Variants in DGKH observed in about 807,000 individuals in gnomAD.
DGKH encodes the protein DAG kinase eta.
In DGKH, 90 loss-of-function variants were observed where a neutral mutation model predicts 159.3. The observed-to-expected ratio is 0.57, with a 90% confidence interval of 0.48 to 0.67. The LOEUF is 0.67. Ranked by LOEUF, DGKH falls within the 30% of genes least tolerant of loss-of-function variation. The pLI, the probability that DGKH is intolerant of heterozygous loss-of-function variation, is 0.00. For missense variants in DGKH, 1,181 were observed against 1,506.1 expected (o/e 0.78, Z 3.57); for synonymous variants, 536 against 553.8 (o/e 0.97, Z 0.45).
intron 1 of DGKH, among the ~76,000 whole-genome samples, chr13:42,061,929 A>G (rs1307555155): frequency 6.6e-6 from 1 of 152,042 alleles, no homozygotes; most frequent in East Asian, 1.9e-4. Flanking sequence ...TGGTGTTCAT[A>G]AGCATAATGA....
intron 1 of DGKH, among the ~76,000 whole-genome samples, chr13:42,114,368 T>A (rs939117081): frequency 1.3e-5 from 2 of 152,208 alleles, no homozygotes; most frequent in African/African-American, 4.8e-5. Context: ...CCAAAAGCCA[T>A]CTCAGCTACT....
chr13:42,207,693 G>GTATA (rs368253963), intron 21 of DGKH, among the ~76,000 whole-genome samples: 20,732 of 126,340 alleles, frequency 0.16, 1,959 homozygotes, highest in Admixed American at 0.25. Context: ...TTATTAAAGT[G>GTATA]TGTATATATA....
intron 1 of DGKH, among the ~76,000 whole-genome samples, chr13:42,120,542 G>GCTCTC (rs1955048090): frequency 1.3e-5 from 2 of 152,162 alleles, no homozygotes; most frequent in East Asian, 3.9e-4. Flanking sequence ...CTAACCTCAA[G>GCTCTC]TAATATCAAA....
intron 3 of DGKH, among the ~76,000 whole-genome samples, chr13:42,148,944 C>G (rs969421454): frequency 1.2e-5 from 1 of 80,102 alleles, no homozygotes; most frequent in Non-Finnish European, 2.4e-5. Flanking sequence ...CCCGCCCCTT[C>G]TTTTTTTTTT....
intron 24 of DGKH, among the ~76,000 whole-genome samples, chr13:42,213,443 C>A (rs1441852372): frequency 6.6e-6 from 1 of 152,096 alleles, no homozygotes; most frequent in East Asian, 1.9e-4. Flanking sequence ...TTTCAGTAGG[C>A]AATTAGAAAT....
chr13:42,090,243 C>T (rs2137744499), intron 1 of DGKH, among the ~76,000 whole-genome samples: 1 of 152,112 alleles, frequency 6.6e-6, no homozygotes, highest in African/African-American at 2.4e-5. Context: ...AAATTGTGAA[C>T]TAAATATTAT....
intron 1 of DGKH, among the ~76,000 whole-genome samples, chr13:42,093,461 A>G (rs1467582337): frequency 6.6e-6 from 1 of 152,178 alleles, no homozygotes; most frequent in Admixed American, 6.5e-5. Context: ...GCTCTTTAAA[A>G]AAATTAAAAT....
At chr13:42,069,265 A>T in intron 1 of DGKH, 6 of 1,089,450 alleles carry the variant, frequency 5.5e-6, no homozygotes, top group Non-Finnish European at 8.0e-6. Flanking sequence ...ACTTCACAAA[A>T]CTGATTTATG....
intron 1 of DGKH, chr13:42,069,806 G>T: frequency 9.5e-7 from 1 of 1,054,914 alleles, no homozygotes; most frequent in South Asian, 1.6e-5. Flanking sequence ...TTTTCATGAT[G>T]ATCTGGGTAC....
intron 15 of DGKH, among the ~76,000 whole-genome samples, chr13:42,190,157 G>T (rs1193317318): frequency 1.3e-5 from 2 of 152,002 alleles, no homozygotes; most frequent in African/African-American, 2.4e-5. Context: ...ACTTGTAATT[G>T]TATTTCATTC....
At chr13:42,219,058 A>G (rs9315898) in intron 26 of DGKH, among the ~76,000 whole-genome samples, 172 bp from the exon 27 acceptor site, 1 of 152,086 alleles carries the variant, frequency 6.6e-6, no homozygotes, top group East Asian at 1.9e-4. Context: ...CAGATTTTTT[A>G]AAAATGAAAT....
chr13:42,104,414 C>T (rs541490949), intron 1 of DGKH, among the ~76,000 whole-genome samples: 24 of 152,340 alleles, frequency 1.6e-4, no homozygotes, highest in African/African-American at 3.8e-4. Flanking sequence ...GACCATTGCT[C>T]GCATTTCATT....
At chr13:42,205,598 C>G (rs1957445934) in intron 20 of DGKH, among the ~76,000 whole-genome samples, 1 of 152,002 alleles carries the variant, frequency 6.6e-6, no homozygotes, top group Middle Eastern at 3.2e-3. Context: ...TTCACCAGTC[C>G]CCAGGTGGTT....
chr13:42,213,886 G>A (rs1008021553), intron 24 of DGKH, among the ~76,000 whole-genome samples: 2 of 152,172 alleles, frequency 1.3e-5, no homozygotes, highest in African/African-American at 4.8e-5. Flanking sequence ...TATTCTTAGA[G>A]GTTTGGATAC....
At chr13:42,096,682 G>A (rs1186607115) in intron 1 of DGKH, among the ~76,000 whole-genome samples, 1 of 152,192 alleles carries the variant, frequency 6.6e-6, no homozygotes, top group Admixed American at 6.5e-5. Flanking sequence ...GCAAGGTTTA[G>A]TGGAATTGGC....
chr13:42,217,285 ACT>A (rs1957824685), intron 26 of DGKH, among the ~76,000 whole-genome samples: 1 of 152,080 alleles, frequency 6.6e-6, no homozygotes, highest in Non-Finnish European at 1.5e-5. Flanking sequence ...ACAGGGACGC[ACT>A]CTGTCGCAGT....
At chr13:42,169,913 G>A (rs11841247) in intron 11 of DGKH, among the ~76,000 whole-genome samples, 19,102 of 152,102 alleles carry the variant, frequency 0.13, 1,580 homozygotes, top group Admixed American at 0.22. Context: ...GTTAAAAGAA[G>A]AAAAGGAATG....
rs1487167340 is a variant in DGKH at position 42,165,244 on chromosome 13, A to T, written c.856-87A>T. On this transcript the variant is annotated intron_variant, in intron 7 of 29. Coordinates refer to ENST00000337343, the MANE Select transcript of DGKH (RefSeq NM_178009.5). ...TACTGAACATTTTGTGGTACAGTTGATTCTAGATTATCAGTTCCTTAGATG... is the reference window on the plus strand; with the variant it reads ...TACTGAACATTTTGTGGTACAGTTGTTTCTAGATTATCAGTTCCTTAGATG... The T allele has an allele frequency of 1.1e-5, 7 of 623,556 alleles. No homozygotes were observed. In the East Asian group the frequency reaches 2.1e-4, roughly 19 times the overall value. 38.6% of individuals were successfully genotyped at this position (623,556 alleles called of 1,614,324 possible). A position where few individuals can be genotyped will look rare whatever the true frequency, so the allele number is the denominator to read the frequency against.
At chr13:42,207,571 C>T (rs67354544) in intron 21 of DGKH, among the ~76,000 whole-genome samples, 18,090 of 151,232 alleles carry the variant, frequency 0.12, 1,539 homozygotes, top group East Asian at 0.4. Context: ...TTTGGCCGGT[C>T]GAGTTTAGGG....
Sources: allele counts gnomAD v4.1 joint callset (sites outside exome capture counted in the v4.1 genomes callset), GRCh38; gene constraint gnomAD v4.1.1; transcripts MANE v1.5; gene names NCBI Gene and HGNC (gene_info 2026-07-23, HGNC 2026-07-21).